The following GRM8 variants were observed in gnomAD, a reference collection of about 807,000 sequenced individuals.
The protein encoded by GRM8 is metabotropic glutamate receptor 8.
GRM8 carries 47 observed loss-of-function variants against 87.2 expected under a neutral mutation model. The ratio of observed to expected loss-of-function variants is 0.54; its 90% CI spans 0.43 to 0.69. The LOEUF is 0.69. Among genes scored for constraint, GRM8 ranks in the 30% least tolerant of loss-of-function variants. The probability of loss-of-function intolerance (pLI) is 0.00; values close to 1 mark genes in which losing one functional copy is unlikely to be tolerated. For synonymous variants in GRM8, 396 were observed against 404.5 expected, an observed-to-expected ratio of 0.98 and a Z score of 0.25; for missense variants, 1,019 against 1,139.2, an observed-to-expected ratio of 0.89 and a Z score of 1.52.
At chr7:127,061,620 C>T (rs1004357386) in intron 3 of GRM8, among the ~76,000 whole-genome samples, 2 of 152,158 alleles carry the variant, frequency 1.3e-5, no homozygotes, top group African/African-American at 2.4e-5. Flanking sequence ...CCTTCCTCCC[C>T]CTGCTGATGC....
At chr7:126,442,639 G>A (rs1481358134) in intron 10 of GRM8, among the ~76,000 whole-genome samples, 1 of 151,938 alleles carries the variant, frequency 6.6e-6, no homozygotes, top group African/African-American at 2.4e-5. Flanking sequence ...GAACAATAAA[G>A]TTTTCAGAAG....
intron 2 of GRM8, among the ~76,000 whole-genome samples, chr7:127,181,074 T>C (rs1563562628): frequency 1.3e-5 from 2 of 152,048 alleles, no homozygotes; most frequent in Non-Finnish European, 2.9e-5. Context: ...GCTGATGATA[T>C]GATCATTTAC....
intron 6 of GRM8, among the ~76,000 whole-genome samples, chr7:126,836,216 G>T (rs536550161): frequency 4.0e-4 from 61 of 152,188 alleles, no homozygotes; most frequent in African/African-American, 1.4e-3. Flanking sequence ...AAAAAAAATT[G>T]CAAGACTCAT....
At chr7:126,699,656 AAT>A (rs1383866238) in intron 7 of GRM8, among the ~76,000 whole-genome samples, 3 of 152,032 alleles carry the variant, frequency 2.0e-5, no homozygotes, top group African/African-American at 7.2e-5. Flanking sequence ...CCCCTGGAGC[AAT>A]GGGAAGTATT....
At chr7:127,052,995 T>G (rs1819643685) in intron 3 of GRM8, among the ~76,000 whole-genome samples, 1 of 151,868 alleles carries the variant, frequency 6.6e-6, no homozygotes, top group Non-Finnish European at 1.5e-5. Flanking sequence ...ACAAAAAATA[T>G]ACTCACCATC....
intron 2 of GRM8, among the ~76,000 whole-genome samples, chr7:127,235,344 T>C (rs1797924622): frequency 6.6e-6 from 1 of 152,224 alleles, no homozygotes; most frequent in South Asian, 2.1e-4. Flanking sequence ...ATGCTGATTC[T>C]AAGTTATTGC....
chr7:126,916,893 A>G (rs919685018), intron 3 of GRM8, among the ~76,000 whole-genome samples: 1 of 152,230 alleles, frequency 6.6e-6, no homozygotes, highest in African/African-American at 2.4e-5. Flanking sequence ...AGTAACATGT[A>G]GTGTTTCCCT....
intron 7 of GRM8, among the ~76,000 whole-genome samples, chr7:126,733,008 AT>A (rs910274770): frequency 4.1e-4 from 62 of 149,902 alleles, no homozygotes; most frequent in African/African-American, 9.8e-4. Context: ...ATTGTCTGCA[AT>A]TTTTTTTTTA....
intron 3 of GRM8, among the ~76,000 whole-genome samples, chr7:126,940,292 C>A (rs145027983): frequency 6.6e-6 from 1 of 152,162 alleles, no homozygotes; most frequent in Non-Finnish European, 1.5e-5. Context: ...CTGGCTAATG[C>A]ATTTACAGTG....
chr7:127,138,898 A>G (rs938618105), intron 2 of GRM8, among the ~76,000 whole-genome samples: 1 of 152,156 alleles, frequency 6.6e-6, no homozygotes, highest in African/African-American at 2.4e-5. Context: ...TGATAATAAC[A>G]AAAACATTTT....
chr7:127,206,775 T>G (rs1377755866), intron 2 of GRM8, among the ~76,000 whole-genome samples: 1 of 152,196 alleles, frequency 6.6e-6, no homozygotes, highest in Non-Finnish European at 1.5e-5. Flanking sequence ...TCATAAATCC[T>G]CTGTGCAAAA....
intron 3 of GRM8, among the ~76,000 whole-genome samples, chr7:126,929,885 A>C (rs1017825488): frequency 6.6e-6 from 1 of 152,236 alleles, no homozygotes; most frequent in Non-Finnish European, 1.5e-5. Flanking sequence ...AAATATAAAG[A>C]AACTTAAACT....
intron 3 of GRM8, among the ~76,000 whole-genome samples, chr7:127,039,404 C>A (rs761565680): frequency 1.6e-4 from 25 of 152,080 alleles, no homozygotes; most frequent in Non-Finnish European, 3.4e-4. Context: ...AAAAGCAACC[C>A]TGCCAACGCC....
At chr7:126,891,858 T>C (rs907507693) in intron 6 of GRM8, among the ~76,000 whole-genome samples, 2 of 151,944 alleles carry the variant, frequency 1.3e-5, no homozygotes, top group Non-Finnish European at 2.9e-5. Flanking sequence ...ATCTAATAGC[T>C]AGTGCTTGAA....
intron 3 of GRM8, among the ~76,000 whole-genome samples, chr7:126,956,810 T>C (rs1303034065): frequency 6.6e-6 from 1 of 152,232 alleles, no homozygotes; most frequent in African/African-American, 2.4e-5. Context: ...GAATTCAGCA[T>C]AGAACACATG....
chr7:126,546,836 T>A (rs149171521), intron 8 of GRM8, among the ~76,000 whole-genome samples: 2 of 152,316 alleles, frequency 1.3e-5, no homozygotes, highest in African/African-American at 4.8e-5. Context: ...TTGGTATGAA[T>A]TTAGCATGTT....
At chr7:127,224,120 G>A (rs1367076483) in intron 2 of GRM8, among the ~76,000 whole-genome samples, 1 of 152,088 alleles carries the variant, frequency 6.6e-6, no homozygotes, top group Non-Finnish European at 1.5e-5. Flanking sequence ...ACTCCCAGAA[G>A]GAGAGGAAAA....
At chr7:127,212,002 C>T (rs1318300603) in intron 2 of GRM8, among the ~76,000 whole-genome samples, 2 of 152,098 alleles carry the variant, frequency 1.3e-5, no homozygotes, top group African/African-American at 2.4e-5. Flanking sequence ...GAGTTTCATG[C>T]TTAGAGTATG....
intron 1 of GRM8, among the ~76,000 whole-genome samples, chr7:127,248,856 G>C (rs1798715991): frequency 6.6e-6 from 1 of 152,190 alleles, no homozygotes. Context: ...CCTATATGGA[G>C]AGCACAGAGC....
Sources: allele counts gnomAD v4.1 joint callset (sites outside exome capture counted in the v4.1 genomes callset), GRCh38; gene constraint gnomAD v4.1.1; transcripts MANE v1.5; gene names NCBI Gene and HGNC (gene_info 2026-07-23, HGNC 2026-07-21).